The following MARCHF1 variants were observed in gnomAD, a reference collection of about 807,000 sequenced individuals.
MARCHF1 encodes the protein membrane associated ring-CH-type finger 1, also known as E3 ubiquitin-protein ligase MARCHF1.
In MARCHF1, 40 loss-of-function variants were observed where a neutral mutation model predicts 54.2. The observed-to-expected ratio is 0.74, with a 90% CI of 0.57 to 0.96. The LOEUF (loss-of-function observed/expected upper bound fraction) is 0.96, where lower values mean the gene tolerates loss of function less well. Among genes scored for constraint, MARCHF1 ranks in the 40% least tolerant of loss-of-function variants. The pLI is 0.00. For synonymous variants in MARCHF1, 236 were observed against 236.3 expected (o/e 1.00, Z 0.01); for missense variants, 586 against 656.5 (o/e 0.89, Z 1.17).
intron 2 of MARCHF1, among the ~76,000 whole-genome samples, chr4:164,017,680 T>C (rs538942938): frequency 4.9e-4 from 74 of 151,868 alleles, no homozygotes; most frequent in Non-Finnish European, 8.4e-4. Flanking sequence ...ACATATATTA[T>C]TGTACGTTTA....
chr4:164,096,237 T>C lies in MARCHF1; in HGVS notation c.-248+15351A>G, dbSNP rs1340498294. On this transcript the variant is annotated intron_variant, in intron 2 of 9. Coordinates refer to ENST00000514618, the MANE Select transcript of MARCHF1 (RefSeq NM_001394959.1). ...TATATTATGGAATACTATGCAGCCA[T>C]AAAAAGAACAAAATCATATCCTTTG... is the stretch of plus-strand genomic sequence containing the variant. Among the ~76,000 whole-genome samples the C allele has an allele frequency of 2.6e-5, 4 of 152,136 alleles. No homozygotes were observed. The East Asian group carries it at 5.8e-4, about 22-fold the overall frequency.
chr4:163,693,806 A>C (rs1744536280), intron 5 of MARCHF1, among the ~76,000 whole-genome samples: 1 of 152,204 alleles, frequency 6.6e-6, no homozygotes, highest in Non-Finnish European at 1.5e-5. Flanking sequence ...CAATGGAACT[A>C]ACTCATTATA....
At chr4:163,970,350 T>C (rs1752524692) in intron 3 of MARCHF1, among the ~76,000 whole-genome samples, 2 of 152,192 alleles carry the variant, frequency 1.3e-5, no homozygotes, top group East Asian at 1.9e-4. Flanking sequence ...CTAAAGTGCC[T>C]TGGGGCCACT....
intron 2 of MARCHF1, among the ~76,000 whole-genome samples, chr4:164,084,053 T>C (rs1375758348): frequency 2.0e-5 from 3 of 151,982 alleles, no homozygotes; most frequent in Admixed American, 1.3e-4. Context: ...TGATTCAATA[T>C]GCTTATCTCA....
At chr4:163,607,427 T>C (rs1741180894) in intron 7 of MARCHF1, among the ~76,000 whole-genome samples, 1 of 151,864 alleles carries the variant, frequency 6.6e-6, no homozygotes, top group African/African-American at 2.4e-5. Flanking sequence ...AAATGGAAAA[T>C]CCAGGAAATT....
At chr4:163,678,078 T>C (rs917505150) in intron 5 of MARCHF1, among the ~76,000 whole-genome samples, 2 of 152,256 alleles carry the variant, frequency 1.3e-5, no homozygotes, top group Non-Finnish European at 1.5e-5. Context: ...CTTAGCTCAA[T>C]TGCCCTTGAT....
At chr4:163,957,943 C>A (rs1278179036) in intron 3 of MARCHF1, among the ~76,000 whole-genome samples, 1 of 151,966 alleles carries the variant, frequency 6.6e-6, no homozygotes, top group Non-Finnish European at 1.5e-5. Context: ...TTCAGAAAGT[C>A]TTTTAAAAAA....
chr4:163,721,852 A>T (rs1357382985), intron 4 of MARCHF1, among the ~76,000 whole-genome samples: 2 of 151,960 alleles, frequency 1.3e-5, no homozygotes, highest in East Asian at 3.9e-4. Flanking sequence ...GGGAATTTGT[A>T]TTTCTGTGGG....
intron 2 of MARCHF1, among the ~76,000 whole-genome samples, chr4:164,040,055 A>G (rs975483989): frequency 6.8e-6 from 1 of 146,766 alleles, no homozygotes; most frequent in Non-Finnish European, 1.5e-5. Context: ...ATTTATATAT[A>G]CAAATTATAT....
chr4:163,664,942 TATC>T (rs1489501535), intron 5 of MARCHF1, among the ~76,000 whole-genome samples: 1 of 152,038 alleles, frequency 6.6e-6, no homozygotes, highest in African/African-American at 2.4e-5. Flanking sequence ...AAAATGAACA[TATC>T]ATAATGAACC....
chr4:164,068,321 G>A (rs369156013), intron 2 of MARCHF1, among the ~76,000 whole-genome samples: 5 of 152,124 alleles, frequency 3.3e-5, no homozygotes, highest in Non-Finnish European at 4.4e-5. Context: ...TCAGCCCACC[G>A]CTACACTGTG....
chr4:163,909,786 A>C (rs970611015), intron 3 of MARCHF1, among the ~76,000 whole-genome samples: 5 of 152,194 alleles, frequency 3.3e-5, no homozygotes, highest in Non-Finnish European at 7.3e-5. Flanking sequence ...TTTATCAATC[A>C]TTAGAAAACA....
chr4:164,199,673 C>G (rs376009126), intron 1 of MARCHF1, among the ~76,000 whole-genome samples: 6,996 of 54,866 alleles, frequency 0.13, 240 homozygotes, highest in Non-Finnish European at 0.18. Flanking sequence ...CACACACACA[C>G]ACACACACAG....
chr4:163,583,428 CATAT>C (rs1740293896), intron 8 of MARCHF1, among the ~76,000 whole-genome samples: 1 of 152,146 alleles, frequency 6.6e-6, no homozygotes, highest in African/African-American at 2.4e-5. Context: ...CACCCCTATA[CATAT>C]ATAAGTGCTA....
intron 1 of MARCHF1, among the ~76,000 whole-genome samples, chr4:164,324,381 CACT>C (rs1735219144): frequency 6.6e-6 from 1 of 151,674 alleles, no homozygotes; most frequent in Non-Finnish European, 1.5e-5. Flanking sequence ...CAGGGAAACA[CACT>C]ATTATTGAAC....
intron 1 of MARCHF1, among the ~76,000 whole-genome samples, chr4:164,309,254 CTGTGTG>C (rs10577361): frequency 0.034 from 4,965 of 147,888 alleles, 147 homozygotes; most frequent in East Asian, 0.12. Flanking sequence ...AATTTCTAAC[CTGTGTG>C]TGTGTGTGTG....
intron 1 of MARCHF1, among the ~76,000 whole-genome samples, chr4:164,375,419 A>G (rs1024671871): frequency 2.0e-5 from 3 of 152,188 alleles, no homozygotes; most frequent in Admixed American, 1.3e-4. Flanking sequence ...TATCATCACC[A>G]TGAGCTGGAA....
intron 3 of MARCHF1, among the ~76,000 whole-genome samples, chr4:163,965,838 C>T (rs184839526): frequency 2.6e-5 from 4 of 152,112 alleles, no homozygotes; most frequent in Admixed American, 1.3e-4. Context: ...TAACACAGAT[C>T]GTGATAGGTT....
chr4:164,356,296 G>T (rs1323668559), intron 1 of MARCHF1, among the ~76,000 whole-genome samples: 2 of 130,138 alleles, frequency 1.5e-5, no homozygotes, highest in Non-Finnish European at 3.5e-5. Flanking sequence ...AAATCATGCT[G>T]CTATAAAGAC....
Sources: gnomAD v4.1 joint callset for allele counts (sites outside exome capture counted in the v4.1 genomes callset) on GRCh38, gnomAD v4.1.1 for gene constraint, MANE v1.5 for transcripts, NCBI Gene and HGNC (gene_info 2026-07-23, HGNC 2026-07-21) for gene names.